WDFY4: variants seen among roughly 807,000 people sequenced by gnomAD.
WDFY4 encodes WDFY family member 4, also known as WD repeat- and FYVE domain-containing protein 4.
Under a neutral mutation model 351.9 loss-of-function variants are expected in WDFY4, and 169 were observed. The observed-to-expected ratio is 0.48, with a 90% CI of 0.42 to 0.55. The LOEUF (loss-of-function observed/expected upper bound fraction) is 0.55. Ranked by LOEUF, WDFY4 falls within the 20% of genes least tolerant of loss-of-function variation. WDFY4 has a pLI of 0.00. For synonymous variants in WDFY4, 1,622 were observed against 1,574.6 expected, an observed-to-expected ratio of 1.03 and a Z score of -0.71; for missense variants, 3,803 against 3,935.6, an observed-to-expected ratio of 0.97 and a Z score of 0.90.
At chr10:48,784,836 A>G (rs1348638587) in intron 19 of WDFY4, among the ~76,000 whole-genome samples, 1 of 124,924 alleles carries the variant, frequency 8.0e-6, no homozygotes, top group Non-Finnish European at 1.6e-5. Context: ...CACCACACCC[A>G]GTTGCATCGT....
In WDFY4 at chr10:48,943,391, G is replaced by A. The variant is rs1840881402; in HGVS notation, c.7691G>A (p.Cys2564Tyr). ...CTCAACACCGCGGCTGGGAGAACCT[G>A]CAATGACTACATGCAGTACCCAGTG... ...MYLNTAAGRT[C>Y]NDYMQYPVFP... Residue 2564 changes from cysteine to tyrosine, a missense_variant, in exon 49 of 62, where the codon TGC (cysteine) becomes TAC (tyrosine). Coordinates refer to ENST00000325239, the MANE Select transcript of WDFY4 (RefSeq NM_001394531.1). The A allele has an allele frequency of 1.3e-6, 2 of 1,551,866 alleles. No individual in the cohort carries two copies. Among genetic ancestry groups the A allele is most frequent in the Non-Finnish European group, 1.7e-6 (2 of 1,147,016 alleles).
chr10:48,881,414 G>A (rs966539402), intron 43 of WDFY4, among the ~76,000 whole-genome samples: 5 of 152,180 alleles, frequency 3.3e-5, no homozygotes, highest in East Asian at 1.9e-4. Flanking sequence ...TTGTCCTGCC[G>A]AGATGGTGGA....
intron 4 of WDFY4, 91 bp from the exon 5 acceptor site, chr10:48,723,342 C>T: frequency 6.8e-7 from 1 of 1,470,450 alleles, no homozygotes; most frequent in Non-Finnish European, 9.0e-7. Flanking sequence ...CATGGCCTCA[C>T]TGAAATGGCT....
At chr10:48,803,925 C>T (rs192608906) in intron 25 of WDFY4, among the ~76,000 whole-genome samples, 398 of 152,322 alleles carry the variant, frequency 2.6e-3, no homozygotes, top group African/African-American at 8.6e-3. Flanking sequence ...TCAGGTTGCC[C>T]GGGCTTTCTT....
chr10:48,919,642 T>A (rs186938989), intron 47 of WDFY4, among the ~76,000 whole-genome samples: 2 of 152,302 alleles, frequency 1.3e-5, no homozygotes, highest in African/African-American at 2.4e-5. Flanking sequence ...TGCCGTGTCC[T>A]CACATGGTAG....
At chr10:48,951,654 CG>C (rs1841328099) in intron 51 of WDFY4, among the ~76,000 whole-genome samples, 1 of 152,156 alleles carries the variant, frequency 6.6e-6, no homozygotes, top group African/African-American at 2.4e-5. Flanking sequence ...TTTGTAAAGA[CG>C]GGGTCTTATT....
intron 8 of WDFY4, 55 bp downstream of exon 8, chr10:48,729,644 G>T (rs2064387377): frequency 1.3e-6 from 2 of 1,532,968 alleles, no homozygotes; most frequent in African/African-American, 2.8e-5. Flanking sequence ...GCCCTGAGAA[G>T]GCTACAGAGG....
chr10:48,859,708 A>C (rs964215748), intron 39 of WDFY4, among the ~76,000 whole-genome samples: 36 of 152,182 alleles, frequency 2.4e-4, no homozygotes, highest in African/African-American at 8.7e-4. Context: ...GGCTATTGTT[A>C]GCCTCATAAA....
intron 31 of WDFY4, among the ~76,000 whole-genome samples, chr10:48,814,764 G>T (rs1191169329): frequency 6.6e-6 from 1 of 152,104 alleles, no homozygotes; most frequent in Non-Finnish European, 1.5e-5. Flanking sequence ...TAAACAAAAG[G>T]GAAAAACAGA....
intron 45 of WDFY4, 83 bp downstream of exon 45, chr10:48,897,657 A>T (rs895985903): frequency 1.3e-4 from 188 of 1,501,414 alleles, no homozygotes; most frequent in Non-Finnish European, 1.5e-4. Flanking sequence ...ATCCAGAGAC[A>T]CACCTCTGTG....
intron 39 of WDFY4, among the ~76,000 whole-genome samples, chr10:48,866,197 C>CT (rs1191596011): frequency 6.6e-6 from 1 of 151,806 alleles, no homozygotes; most frequent in Non-Finnish European, 1.5e-5. Context: ...TAACGTGTTT[C>CT]TTTTTTTTCT....
chr10:48,881,645 T>C (rs2070253938), intron 43 of WDFY4, among the ~76,000 whole-genome samples: 1 of 152,168 alleles, frequency 6.6e-6, no homozygotes, highest in South Asian at 2.1e-4. Context: ...GGAATTCACA[T>C]GAATCAGAAA....
chr10:48,798,950 A>T (rs752031640), intron 24 of WDFY4, among the ~76,000 whole-genome samples: 1 of 152,230 alleles, frequency 6.6e-6, no homozygotes. Context: ...CTCCCTGTGC[A>T]CAAGGGGAAA....
At chr10:48,959,379 T>C (rs1193674394) in intron 52 of WDFY4, among the ~76,000 whole-genome samples, 1 of 152,194 alleles carries the variant, frequency 6.6e-6, no homozygotes, top group East Asian at 1.9e-4. Flanking sequence ...TATCTCCTGA[T>C]TGTTTAATGC....
chr10:48,979,247 C>G (rs1458086632), intron 60 of WDFY4, among the ~76,000 whole-genome samples: 1 of 152,182 alleles, frequency 6.6e-6, no homozygotes, highest in Non-Finnish European at 1.5e-5. Flanking sequence ...TGGAGACCAC[C>G]ACAAGGAGTC....
At chr10:48,920,624 T>G (rs1019903932) in intron 47 of WDFY4, among the ~76,000 whole-genome samples, 1 of 152,226 alleles carries the variant, frequency 6.6e-6, no homozygotes, top group African/African-American at 2.4e-5. Flanking sequence ...AGAGCACACT[T>G]TCACTATGTC....
chr10:48,775,729 G>A lies in WDFY4; in HGVS notation c.2786G>A (p.Gly929Glu). 6.4e-7 allele frequency: 1 copy of A among 1,551,668 alleles called. No homozygotes were observed. The highest frequency in any genetic ancestry group is 8.7e-7 in the Non-Finnish European group (1 of 1,146,978). ...ATGTTCAGACAGTTTCTAGGTCTTGGAATTCCCTCATCTCTGTCGGCCACA... is the reference window on the plus strand; with the variant it reads ...ATGTTCAGACAGTTTCTAGGTCTTGAAATTCCCTCATCTCTGTCGGCCACA... ...PDVLRQFLGL[G>E]IPSSLSATTK... is the part of the protein sequence containing the mutation. The change falls in exon 15 of 62, where the codon GGA (glycine) becomes GAA (glutamate). Residue 929 changes from glycine (G) to glutamate (E), a missense_variant. Gly to Glu is a moderately conservative substitution (Grantham distance 98). This residue lies in a region of WDFY4 where 3,054 missense variants were observed against 3,148.6 expected (regional missense o/e 0.97). Coordinates refer to ENST00000325239, the MANE Select transcript of WDFY4 (RefSeq NM_001394531.1).
At chr10:48,892,029 C>T (rs1836828554) in intron 44 of WDFY4, among the ~76,000 whole-genome samples, 1 of 152,182 alleles carries the variant, frequency 6.6e-6, no homozygotes, top group African/African-American at 2.4e-5. Context: ...TGTGCTTCTC[C>T]AAGGCAGGAG....
At chr10:48,916,429 G>A (rs2133538434) in intron 47 of WDFY4, among the ~76,000 whole-genome samples, 1 of 152,264 alleles carries the variant, frequency 6.6e-6, no homozygotes, top group South Asian at 2.1e-4. Flanking sequence ...AGGCCACCCT[G>A]TATCCCTGGA....
Sources: gnomAD v4.1 joint callset for allele counts (sites outside exome capture counted in the v4.1 genomes callset) on GRCh38, gnomAD v4.1.1 for gene constraint, gnomAD v4.1.1 regional missense constraint, MANE v1.5 for transcripts, NCBI Gene and HGNC (gene_info 2026-07-23, HGNC 2026-07-21) for gene names.